Variants in ZRANB3 observed in about 807,000 individuals in gnomAD.
ZRANB3 encodes the protein DNA annealing helicase and endonuclease ZRANB3.
ZRANB3 carries 125 observed loss-of-function variants against 133.8 expected under a neutral mutation model. That is an observed-to-expected ratio of 0.93 (90% CI 0.81 to 1.08). ZRANB3 has a LOEUF of 1.08. Ranked by LOEUF, ZRANB3 falls within the 50% of genes least tolerant of loss-of-function variation. The probability of loss-of-function intolerance (pLI) is 0.00; values close to 1 mark genes in which losing one functional copy is unlikely to be tolerated. For synonymous variants in ZRANB3, 387 were observed against 432.7 expected (o/e 0.89, Z 1.31); for missense variants, 1,229 against 1,275.5 (o/e 0.96, Z 0.56).
At chr2:135,414,454 C>T (rs145106248) in intron 2 of ZRANB3, among the ~76,000 whole-genome samples, 15,848 of 152,026 alleles carry the variant, frequency 0.1, 1,095 homozygotes, top group South Asian at 0.32. Flanking sequence ...ATTCATAAAG[C>T]GAGTCCTGAG....
At chr2:135,489,024 T>C (rs1692255774) in intron 2 of ZRANB3, among the ~76,000 whole-genome samples, 1 of 152,024 alleles carries the variant, frequency 6.6e-6, no homozygotes, top group African/African-American at 2.4e-5. Flanking sequence ...GAATAGGTGT[T>C]AGTCTATAAC....
At chr2:135,291,187 T>C (rs570590551) in intron 8 of ZRANB3, among the ~76,000 whole-genome samples, 1 of 132,550 alleles carries the variant, frequency 7.5e-6, no homozygotes, top group East Asian at 2.2e-4. Context: ...TTCTTAATTC[T>C]TTTTTTTTTG....
intron 2 of ZRANB3, among the ~76,000 whole-genome samples, chr2:135,423,295 G>A (rs751976002): frequency 3.1e-4 from 47 of 152,234 alleles, no homozygotes; most frequent in Admixed American, 7.2e-4. Flanking sequence ...TTAGCCGGAT[G>A]TGCTGGCAGG....
At chr2:135,419,890 T>A (rs1160097237) in intron 2 of ZRANB3, among the ~76,000 whole-genome samples, 1 of 151,630 alleles carries the variant, frequency 6.6e-6, no homozygotes, top group African/African-American at 2.4e-5. Flanking sequence ...CTAAGAATCC[T>A]CCCTTAACAG....
chr2:135,268,387 G>A (rs935214333), intron 11 of ZRANB3, among the ~76,000 whole-genome samples: 2 of 151,952 alleles, frequency 1.3e-5, no homozygotes, highest in African/African-American at 4.8e-5. Context: ...GGCTAGTCTC[G>A]AACTCCTGAC....
At chr2:135,446,968 C>T (rs932208495) in intron 2 of ZRANB3, among the ~76,000 whole-genome samples, 1 of 152,004 alleles carries the variant, frequency 6.6e-6, no homozygotes, top group Non-Finnish European at 1.5e-5. Flanking sequence ...TGTTTAACCT[C>T]TTGGGTTGTT....
chr2:135,309,727 G>A (rs1682882493), intron 8 of ZRANB3, among the ~76,000 whole-genome samples: 1 of 152,024 alleles, frequency 6.6e-6, no homozygotes, highest in Non-Finnish European at 1.5e-5. Context: ...AAAAGTGAAC[G>A]ATACTCTTTT....
At chr2:135,390,232 C>T (rs751579169) in intron 3 of ZRANB3, among the ~76,000 whole-genome samples, 3 of 152,022 alleles carry the variant, frequency 2.0e-5, no homozygotes, top group African/African-American at 4.8e-5. Flanking sequence ...ATTTCTCAAA[C>T]GGTTGTTAAA....
In ZRANB3 at chr2:135,485,180, AAACAAAACAT is replaced by A. The variant is rs1200367746; in HGVS notation, c.161+19139_161+19148del. Among the ~76,000 whole-genome samples, 211 of 115,340 alleles carry A rather than the reference AAACAAAACAT, an allele frequency of 1.8e-3. 1 individual carries two copies. Among genetic ancestry groups the A allele is most frequent in the East Asian group, 0.013 (56 of 4,264 alleles). 75.7% of individuals were successfully genotyped at this position (115,340 alleles called of 152,430 possible). A position where few individuals can be genotyped will look rare whatever the true frequency, so the allele number is the denominator to read the frequency against. On this transcript the variant is annotated intron_variant, in intron 2 of 20. Coordinates refer to ENST00000264159, the MANE Select transcript of ZRANB3 (RefSeq NM_032143.4). ...AAACAAAACAAAACAAAACAAAACA[AAACAAAACAT>A]AACATAACATAACATAACATAACAG...
rs199692368 is a variant in ZRANB3, at chr2:135,408,751, C to T, written c.162-17931G>A. ...CAAAAAACTGAACACTGCATGTTCT[C>T]ACTCATAGGTGGGAACTGAACAATG... is the stretch of plus-strand genomic sequence containing the variant. On this transcript the variant is annotated intron_variant, in intron 2 of 20. Coordinates refer to ENST00000264159, the MANE Select transcript of ZRANB3 (RefSeq NM_032143.4). Among the ~76,000 whole-genome samples, 110 of 151,708 alleles carry T rather than the reference C, an allele frequency of 7.3e-4. 1 individual carries two copies. In the East Asian group the frequency reaches 0.018, roughly 25 times the overall value.
rs190921780 is a variant in ZRANB3 at position 135,226,758 on chromosome 2, T to C, written c.2158+1054A>G. ...CTCATATTTAGTTCACTGAGCCATATGCTGTCCCATTACCAGAGTTTCATC... is the reference window on the plus strand; with the variant it reads ...CTCATATTTAGTTCACTGAGCCATACGCTGTCCCATTACCAGAGTTTCATC... On this transcript the variant is annotated intron_variant, in intron 14 of 20. Coordinates refer to ENST00000264159, the MANE Select transcript of ZRANB3 (RefSeq NM_032143.4). 2.6e-5 allele frequency among the ~76,000 whole-genome samples: 4 copies of C among 152,316 alleles called. No homozygotes were observed. In the East Asian group the frequency reaches 7.7e-4, roughly 29 times the overall value.
chr2:135,490,325 C>A (rs967053925), intron 2 of ZRANB3, among the ~76,000 whole-genome samples: 9 of 151,978 alleles, frequency 5.9e-5, no homozygotes, highest in Admixed American at 4.6e-4. Flanking sequence ...AGAAATATTC[C>A]AATTAAAAAA....
intron 2 of ZRANB3, among the ~76,000 whole-genome samples, chr2:135,495,234 A>G (rs914172993): frequency 3.9e-5 from 6 of 152,240 alleles, no homozygotes; most frequent in African/African-American, 7.2e-5. Context: ...TTTCTAAAAA[A>G]ACAAAACTAA....
intron 1 of ZRANB3, among the ~76,000 whole-genome samples, chr2:135,508,491 A>G (rs144596377): frequency 5.9e-5 from 9 of 152,338 alleles, no homozygotes; most frequent in Non-Finnish European, 1.0e-4. Flanking sequence ...TTAATCAAAA[A>G]TTTGTTTTAA....
chr2:135,460,296 G>A (rs1690706715), intron 2 of ZRANB3, among the ~76,000 whole-genome samples: 1 of 150,020 alleles, frequency 6.7e-6, no homozygotes, highest in Admixed American at 6.7e-5. Context: ...GTTTCATTCT[G>A]TCATCTAGGC....
chr2:135,488,721 A>G (rs1317575462), intron 2 of ZRANB3, among the ~76,000 whole-genome samples: 1 of 151,732 alleles, frequency 6.6e-6, no homozygotes, highest in Non-Finnish European at 1.5e-5. Context: ...CACCACATAT[A>G]TGAAAGGCAC....
At chr2:135,519,436 G>A (rs1029556836) in intron 1 of ZRANB3, among the ~76,000 whole-genome samples, 1 of 152,090 alleles carries the variant, frequency 6.6e-6, no homozygotes, top group African/African-American at 2.4e-5. Context: ...ACTTGAGCCA[G>A]GGAGGTCCAG....
chr2:135,355,097 A>G, intron 3 of ZRANB3: 1 of 292,622 alleles, frequency 3.4e-6, no homozygotes, highest in Non-Finnish European at 5.1e-6. Flanking sequence ...ATGAGAAAAG[A>G]GCAGATTTTG....
At chr2:135,308,717 C>T (rs1682821412) in intron 8 of ZRANB3, among the ~76,000 whole-genome samples, 1 of 152,176 alleles carries the variant, frequency 6.6e-6, no homozygotes, top group Non-Finnish European at 1.5e-5. Flanking sequence ...TCTCCTACCT[C>T]GGCTTCCCAA....
Sources: gnomAD v4.1 joint callset for allele counts (sites outside exome capture counted in the v4.1 genomes callset) on GRCh38, gnomAD v4.1.1 for gene constraint, MANE v1.5 for transcripts, NCBI Gene and HGNC (gene_info 2026-07-23, HGNC 2026-07-21) for gene names.